Variants in BLNK observed in about 807,000 individuals in gnomAD.
The protein encoded by BLNK is B-cell linker protein.
A neutral mutation model predicts 73.5 loss-of-function variants in BLNK; 29 were observed. The ratio of observed to expected loss-of-function variants is 0.39; its 90% CI spans 0.29 to 0.54. BLNK has a LOEUF of 0.54. Ranked by LOEUF, BLNK falls within the 20% of genes least tolerant of loss-of-function variation. BLNK has a pLI of 0.61. For missense variants in BLNK, 460 were observed against 562.8 expected, an observed-to-expected ratio of 0.82 and a Z score of 1.85; for synonymous variants, 176 against 200.8, an observed-to-expected ratio of 0.88 and a Z score of 1.04.
At chr10:96,207,432 C>G (rs973288504) in intron 10 of BLNK, among the ~76,000 whole-genome samples, 1 of 152,206 alleles carries the variant, frequency 6.6e-6, no homozygotes, top group Non-Finnish European at 1.5e-5. Context: ...AAATGTCAGG[C>G]TTCACAGTAG....
intron 15 of BLNK, among the ~76,000 whole-genome samples, chr10:96,198,780 C>A (rs2083543675): frequency 6.6e-6 from 1 of 152,254 alleles, no homozygotes; most frequent in South Asian, 2.1e-4. Flanking sequence ...CTCACTGCAA[C>A]TTCCGCCTCC....
Position 96,200,008 on chromosome 10 carries a change from C to A in BLNK, c.1095+67G>T. On this transcript the variant is annotated intron_variant, in intron 15 of 16. Coordinates refer to ENST00000224337, the MANE Select transcript of BLNK (RefSeq NM_013314.4). This position sits in a 1 kb window ranked among gnomAD's most constrained non-coding sequence, Gnocchi z 4.3. ...GAGCCACTGCACTCCAGTGAAACTG[C>A]ATCATCTCAAAACAAATAAATAAAA... The A allele has an allele frequency of 1.0e-6, 1 of 991,956 alleles. No homozygotes were observed. The allele number at this position is 991,956 out of a possible 1,614,324, so 61.4% of individuals were successfully genotyped here. A position where few individuals can be genotyped will look rare whatever the true frequency, so the allele number is the denominator to read the frequency against.
chr10:96,192,976 G>A (rs782134879), intron 16 of BLNK, among the ~76,000 whole-genome samples: 26 of 152,090 alleles, frequency 1.7e-4, no homozygotes, highest in Non-Finnish European at 2.9e-4. Context: ...AACATCCACA[G>A]TAAAATTTTT....
chr10:96,247,795 T>G (rs147400702), intron 1 of BLNK, among the ~76,000 whole-genome samples: 1 of 152,324 alleles, frequency 6.6e-6, no homozygotes, highest in Admixed American at 6.5e-5. Flanking sequence ...CAGCGTCTGA[T>G]TGATCACCTT....
chr10:96,219,962 G>A (rs1453118540), intron 6 of BLNK, among the ~76,000 whole-genome samples: 3 of 152,130 alleles, frequency 2.0e-5, no homozygotes, highest in Non-Finnish European at 4.4e-5. Flanking sequence ...CCCTCTCTTT[G>A]CCAGCCACCT....
At chr10:96,242,197 T>C (rs1367017822) in intron 3 of BLNK, among the ~76,000 whole-genome samples, 1 of 152,186 alleles carries the variant, frequency 6.6e-6, no homozygotes, top group Non-Finnish European at 1.5e-5. Context: ...TCTCACAAAA[T>C]CTGATGATTT....
chr10:96,201,411 C>T (rs781942212), intron 13 of BLNK, among the ~76,000 whole-genome samples: 1 of 152,166 alleles, frequency 6.6e-6, no homozygotes, highest in Non-Finnish European at 1.5e-5. Flanking sequence ...AAAATGTAAA[C>T]TAATGCCACT....
chr10:96,192,527 C>G (rs79350973), intron 16 of BLNK, among the ~76,000 whole-genome samples: 1 of 152,082 alleles, frequency 6.6e-6, no homozygotes, highest in African/African-American at 2.4e-5. Context: ...AAATAGTCAT[C>G]TCCTAAACAA....
chr10:96,211,616 C>T (rs2083950949), intron 8 of BLNK, among the ~76,000 whole-genome samples: 2 of 152,170 alleles, frequency 1.3e-5, no homozygotes, highest in Admixed American at 1.3e-4. Flanking sequence ...TGGATTGTAC[C>T]TGGAAGCCTT....
chr10:96,252,751 C>A (rs1843337543), intron 1 of BLNK, among the ~76,000 whole-genome samples: 1 of 152,146 alleles, frequency 6.6e-6, no homozygotes, highest in Non-Finnish European at 1.5e-5. Flanking sequence ...TGCCCCTCTC[C>A]TTGCGTGACA....
At chr10:96,269,395 T>A (rs1844166693) in intron 1 of BLNK, among the ~76,000 whole-genome samples, 1 of 151,430 alleles carries the variant, frequency 6.6e-6, no homozygotes, top group South Asian at 2.1e-4. Context: ...TCTGTATAGT[T>A]CTACATTATG....
intron 1 of BLNK, among the ~76,000 whole-genome samples, chr10:96,265,197 T>C (rs1843947428): frequency 6.6e-6 from 1 of 151,814 alleles, no homozygotes; most frequent in Non-Finnish European, 1.5e-5. Flanking sequence ...TTGACCCGGC[T>C]GGTCTTGAAC....
rs2083329489 is a variant in BLNK at position 96,191,513 on chromosome 10, C to T, written c.*460G>A. Reference sequence around the variant, plus strand: ...CCTTCTTGCCTATACTTACAGATATCATACATTACCTTTAATACCTTATTT... The same window carrying T: ...CCTTCTTGCCTATACTTACAGATATTATACATTACCTTTAATACCTTATTT... On this transcript the variant is annotated 3_prime_UTR_variant, in exon 17 of 17. Transcript: ENST00000224337. Among the ~76,000 whole-genome samples the T allele has an allele frequency of 6.6e-6, 1 of 151,968 alleles. No homozygotes were observed. The highest frequency in any genetic ancestry group is 1.9e-4 in the East Asian group (1 of 5,188).
At chr10:96,270,842 A>T (rs1228550324) in intron 1 of BLNK, among the ~76,000 whole-genome samples, 1 of 152,192 alleles carries the variant, frequency 6.6e-6, no homozygotes, top group Non-Finnish European at 1.5e-5. Flanking sequence ...CATTGACATG[A>T]GGGCATTGGA....
intron 1 of BLNK, among the ~76,000 whole-genome samples, chr10:96,253,534 C>T (rs1279733011): frequency 6.6e-6 from 1 of 152,208 alleles, no homozygotes; most frequent in East Asian, 1.9e-4. Flanking sequence ...AGATCACCCT[C>T]TGAAACAGTG....
chr10:96,206,923 A>G, intron 11 of BLNK, 88 bp downstream of exon 11: 1 of 1,409,456 alleles, frequency 7.1e-7, no homozygotes, highest in South Asian at 1.2e-5. Flanking sequence ...CAATTGCCCC[A>G]AAAATAATGT....
chr10:96,250,048 G>C (rs1350876775), intron 1 of BLNK, among the ~76,000 whole-genome samples: 1 of 152,192 alleles, frequency 6.6e-6, no homozygotes, highest in Non-Finnish European at 1.5e-5. Context: ...CAGGGGTCTG[G>C]TGCCAAGTCA....
At chr10:96,194,728 T>G (rs1442623194) in intron 16 of BLNK, among the ~76,000 whole-genome samples, 1 of 150,436 alleles carries the variant, frequency 6.6e-6, no homozygotes, top group Non-Finnish European at 1.5e-5. Flanking sequence ...AAAAAGCATA[T>G]GAAAAATGTT....
At position 96,191,565 on chromosome 10, in the gene BLNK, C is replaced by T. The variant is rs1183655170; in HGVS notation, c.*408G>A. On this transcript the variant is annotated 3_prime_UTR_variant, in exon 17 of 17. Transcript: ENST00000224337. ...CTACAAATTAAAATTTTAACCAAGA[C>T]TTAATTGTCAAGCATTGGCAGTGGA... 2 of 170,478 alleles carry T rather than the reference C, an allele frequency of 1.2e-5. No homozygotes were observed. The highest frequency in any genetic ancestry group is 2.5e-5 in the Non-Finnish European group (2 of 79,806). 10.6% of individuals were successfully genotyped at this position (170,478 alleles called of 1,614,324 possible).
Sources: allele counts gnomAD v4.1 joint callset (sites outside exome capture counted in the v4.1 genomes callset), GRCh38; gene constraint gnomAD v4.1.1; non-coding constraint Gnocchi (gnomAD v3.1); transcripts MANE v1.5; gene names NCBI Gene and HGNC (gene_info 2026-07-23, HGNC 2026-07-21).